Variants in RBFOX1 observed in about 807,000 individuals in gnomAD.
The protein encoded by RBFOX1 is RNA binding protein fox-1 homolog 1.
In RBFOX1, 8 loss-of-function variants were observed where a neutral mutation model predicts 57.7. The ratio of observed to expected loss-of-function variants is 0.14; its 90% CI spans 0.08 to 0.25. The LOEUF is 0.25. Ranked by LOEUF, RBFOX1 falls within the 10% of genes least tolerant of loss-of-function variation. The pLI is 1.00. For synonymous variants in RBFOX1, 326 were observed against 222.4 expected, an observed-to-expected ratio of 1.47 and a Z score of -4.15; for missense variants, 611 against 548.5, an observed-to-expected ratio of 1.11 and a Z score of -1.14.
intron 3 of RBFOX1, among the ~76,000 whole-genome samples, chr16:5,667,179 A>G (rs2049874974): frequency 6.6e-6 from 1 of 152,090 alleles, no homozygotes; most frequent in South Asian, 2.1e-4. Context: ...GGCTTCATTA[A>G]CATTTTGTTT....
chr16:6,358,876 G>T (rs1457301631), intron 2 of RBFOX1, among the ~76,000 whole-genome samples: 1 of 152,178 alleles, frequency 6.6e-6, no homozygotes, highest in Non-Finnish European at 1.5e-5. Flanking sequence ...GTTTGACGAA[G>T]ATTTATTGCC....
chr16:6,486,350 A>G (rs953473138), intron 2 of RBFOX1, among the ~76,000 whole-genome samples: 19 of 152,052 alleles, frequency 1.2e-4, no homozygotes, highest in Non-Finnish European at 2.5e-4. Context: ...TATAATTTTT[A>G]TATTAGATTT....
intron 1 of RBFOX1, among the ~76,000 whole-genome samples, chr16:6,138,984 C>T (rs1489574367): frequency 6.6e-6 from 1 of 152,182 alleles, no homozygotes; most frequent in African/African-American, 2.4e-5. Context: ...AATGTGTGAA[C>T]ATCAGGAGGC....
chr16:6,101,231 C>A (rs1292702141), intron 1 of RBFOX1, among the ~76,000 whole-genome samples: 1 of 152,214 alleles, frequency 6.6e-6, no homozygotes, highest in Non-Finnish European at 1.5e-5. Context: ...CTTTCCCCTT[C>A]TCTGTCCTCA....
At chr16:5,478,192 G>T (rs2069398604) in intron 2 of RBFOX1, among the ~76,000 whole-genome samples, 1 of 152,078 alleles carries the variant, frequency 6.6e-6, no homozygotes, top group African/African-American at 2.4e-5. Context: ...TCAGAGCCTT[G>T]GCATTCTTCT....
At chr16:5,552,890 C>G (rs2045519171) in intron 2 of RBFOX1, among the ~76,000 whole-genome samples, 1 of 152,086 alleles carries the variant, frequency 6.6e-6, no homozygotes, top group African/African-American at 2.4e-5. Flanking sequence ...ATACCCATCT[C>G]CAGGTCCTCA....
chr16:5,567,635 C>CAA (rs34858401), intron 2 of RBFOX1, among the ~76,000 whole-genome samples: 25,818 of 62,668 alleles, frequency 0.41, 7,220 homozygotes, highest in East Asian at 0.48. Context: ...AGGTTATAGG[C>CAA]AAAAAAAAAA....
At chr16:6,805,841 C>T (rs1336136424) in intron 3 of RBFOX1, among the ~76,000 whole-genome samples, 1 of 152,178 alleles carries the variant, frequency 6.6e-6, no homozygotes, top group Non-Finnish European at 1.5e-5. Flanking sequence ...CTATCTCCGC[C>T]TTTCTCCTTA....
intron 1 of RBFOX1, among the ~76,000 whole-genome samples, chr16:5,247,373 C>T (rs1486828021): frequency 6.6e-6 from 1 of 152,180 alleles, no homozygotes. Context: ...GAGAGCCCTG[C>T]CCTGGCTTTG....
At chr16:6,720,544 C>G (rs1022184696) in intron 3 of RBFOX1, among the ~76,000 whole-genome samples, 1 of 152,178 alleles carries the variant, frequency 6.6e-6, no homozygotes, top group Non-Finnish European at 1.5e-5. Flanking sequence ...GCAGGAACAG[C>G]AAAGGCAGAG....
At chr16:6,357,842 T>C (rs1216505668) in intron 2 of RBFOX1, among the ~76,000 whole-genome samples, 1 of 151,730 alleles carries the variant, frequency 6.6e-6, no homozygotes, top group Non-Finnish European at 1.5e-5. Context: ...TCCCAACTAC[T>C]TGGGAGGCTG....
intron 14 of RBFOX1, among the ~76,000 whole-genome samples, chr16:7,704,930 C>G (rs1404332874): frequency 6.6e-6 from 1 of 151,836 alleles, no homozygotes; most frequent in African/African-American, 2.4e-5. Flanking sequence ...GCCTGTAATC[C>G]CAGCAACTGG....
intron 4 of RBFOX1, among the ~76,000 whole-genome samples, chr16:5,969,298 C>CTTTTTTTTTTTTT (rs71142659): frequency 2.9e-4 from 24 of 83,754 alleles, no homozygotes; most frequent in South Asian, 5.1e-4. Context: ...TTCGGTTGTT[C>CTTTTTTTTTTTTT]TTTTTTTTTT....
intron 3 of RBFOX1, among the ~76,000 whole-genome samples, chr16:6,891,245 C>A (rs528749317): frequency 6.6e-6 from 1 of 152,170 alleles, no homozygotes; most frequent in Non-Finnish European, 1.5e-5. Context: ...AATCATGAAT[C>A]CTGCTAGCAC....
chr16:5,465,167 A>G (rs939484934), intron 1 of RBFOX1, among the ~76,000 whole-genome samples: 1 of 152,152 alleles, frequency 6.6e-6, no homozygotes, highest in Non-Finnish European at 1.5e-5. Flanking sequence ...CCAGAAGTCC[A>G]AGATCGAGGT....
rs1438509362 is a variant in RBFOX1, at chr16:7,121,658, C to A, written c.27+69560C>A. ...TGTATAAGTTTAACACAATACAAAT[C>A]AAAATTCTAGCAGGTATTTTTGTAG... is the stretch of plus-strand genomic sequence containing the variant. On this transcript the variant is annotated intron_variant, in intron 4 of 15. Coordinates refer to ENST00000550418, the MANE Select transcript of RBFOX1 (RefSeq NM_018723.4). Among the ~76,000 whole-genome samples the A allele has an allele frequency of 3.3e-5, 5 of 151,822 alleles. No homozygotes were observed. In the East Asian group the frequency reaches 7.7e-4, roughly 23 times the overall value.
chr16:6,231,919 C>G (rs540076248), intron 1 of RBFOX1, among the ~76,000 whole-genome samples: 1 of 126,864 alleles, frequency 7.9e-6, no homozygotes, highest in Non-Finnish European at 1.6e-5. Flanking sequence ...TACATCAAAA[C>G]AATAGTCTGT....
At position 7,199,680 on chromosome 16, in the gene RBFOX1, G is replaced by C. The variant is rs923929634; in HGVS notation, c.27+147582G>C. On this transcript the variant is annotated intron_variant, in intron 4 of 15. Coordinates refer to ENST00000550418, the MANE Select transcript of RBFOX1 (RefSeq NM_018723.4). ...AGGCTGAGGCAGACCAATCATTTGA[G>C]GTCAGGAGTTCAAGATCTGCCTTTG... 3.9e-5 allele frequency among the ~76,000 whole-genome samples: 6 copies of C among 152,134 alleles called. No individual in the cohort carries two copies. In the South Asian group the frequency reaches 6.2e-4, roughly 16 times the overall value.
intron 2 of RBFOX1, among the ~76,000 whole-genome samples, chr16:6,627,934 G>A (rs1278512151): frequency 3.3e-5 from 5 of 152,182 alleles, no homozygotes; most frequent in Admixed American, 6.5e-5. Context: ...ATCCTCAACT[G>A]TCTCCTGTTC....
Sources: allele counts gnomAD v4.1 joint callset (sites outside exome capture counted in the v4.1 genomes callset), GRCh38; gene constraint gnomAD v4.1.1; transcripts MANE v1.5; gene names NCBI Gene and HGNC (gene_info 2026-07-23, HGNC 2026-07-21).